The following DPYD variants were observed in gnomAD, a reference collection of about 807,000 sequenced individuals.
The protein encoded by DPYD is dihydropyrimidine dehydrogenase [NADP(+)].
A neutral mutation model predicts 116.2 loss-of-function variants in DPYD; 109 were observed. The ratio of observed to expected loss-of-function variants is 0.94; its 90% confidence interval spans 0.80 to 1.10. The LOEUF (loss-of-function observed/expected upper bound fraction) is 1.10. Among genes scored for constraint, DPYD ranks in the 50% least tolerant of loss-of-function variants. DPYD has a pLI of 0.00. For synonymous variants in DPYD, 440 were observed against 432.0 expected (o/e 1.02, Z -0.23); for missense variants, 1,302 against 1,254.5 (o/e 1.04, Z -0.57).
At chr1:97,382,916 A>G (rs939901273) in intron 14 of DPYD, among the ~76,000 whole-genome samples, 1 of 152,212 alleles carries the variant, frequency 6.6e-6, no homozygotes, top group South Asian at 2.1e-4. Flanking sequence ...TCTTTCAAAC[A>G]TAACTCACTA....
chr1:97,544,948 T>G (rs981209259), intron 12 of DPYD, among the ~76,000 whole-genome samples: 14 of 152,180 alleles, frequency 9.2e-5, no homozygotes, highest in Non-Finnish European at 1.9e-4. Context: ...GAACCTCATC[T>G]CTTATCCCTT....
intron 3 of DPYD, among the ~76,000 whole-genome samples, chr1:97,798,998 C>T (rs1667723278): frequency 6.6e-6 from 1 of 151,928 alleles, no homozygotes; most frequent in African/African-American, 2.4e-5. Context: ...CCATTTTATA[C>T]CTATAAAAAG....
At chr1:97,106,090 T>G (rs931172801) in intron 20 of DPYD, among the ~76,000 whole-genome samples, 4 of 152,216 alleles carry the variant, frequency 2.6e-5, no homozygotes, top group African/African-American at 9.6e-5. Context: ...ATCCTCATAG[T>G]GGCAGAAGGA....
At position 97,850,881 on chromosome 1, in the gene DPYD, C is replaced by G. The variant is rs974054221; in HGVS notation, c.151-22685G>C. On this transcript the variant is annotated intron_variant, in intron 2 of 22. Coordinates refer to ENST00000370192, the MANE Select transcript of DPYD (RefSeq NM_000110.4). ...CAAATCAATGGTGATTTTTAAAACA[C>G]ATGTCCTTTTTAAGAATATGATATA... is the stretch of plus-strand genomic sequence containing the variant. 7.9e-5 allele frequency among the ~76,000 whole-genome samples: 12 copies of G among 152,100 alleles called. No homozygotes were observed. The East Asian group carries it at 2.3e-3, about 29-fold the overall frequency.
rs949792299 is a variant in DPYD, at chr1:97,078,169, G to A, written c.*807C>T. On this transcript the variant is annotated 3_prime_UTR_variant, in exon 23 of 23. Coordinates refer to ENST00000370192, the MANE Select transcript of DPYD (RefSeq NM_000110.4). ...AAACATTAGTTGCTATAATCATGAA[G>A]GTGACTATTAAAACCAGTCAGAGCC... is the stretch of plus-strand genomic sequence containing the variant. 1 of 152,104 alleles carries A rather than the reference G, an allele frequency of 6.6e-6. No homozygotes were observed. The highest frequency in any genetic ancestry group is 1.5e-5 in the Non-Finnish European group (1 of 68,048). 9.4% of individuals were successfully genotyped at this position (152,104 alleles called of 1,614,324 possible).
chr1:97,411,244 C>G (rs1385360673), intron 14 of DPYD, among the ~76,000 whole-genome samples: 1 of 152,066 alleles, frequency 6.6e-6, no homozygotes, highest in Non-Finnish European at 1.5e-5. Context: ...TCTTCAATGC[C>G]CATCTCTGAG....
At chr1:97,258,358 CA>C (rs1663649895) in intron 18 of DPYD, among the ~76,000 whole-genome samples, 1 of 152,166 alleles carries the variant, frequency 6.6e-6, no homozygotes, top group Admixed American at 6.5e-5. Flanking sequence ...TTCCAAGCCA[CA>C]AAAGTACAGG....
intron 3 of DPYD, among the ~76,000 whole-genome samples, chr1:97,784,075 A>G (rs1163511125): frequency 1.3e-5 from 2 of 152,228 alleles, no homozygotes; most frequent in South Asian, 2.1e-4. Context: ...TATAAGAGAT[A>G]TGAATCACAT....
chr1:97,906,970 C>T (rs756367116), intron 1 of DPYD, among the ~76,000 whole-genome samples: 9 of 151,942 alleles, frequency 5.9e-5, no homozygotes, highest in East Asian at 1.9e-4. Context: ...GTAAAATATG[C>T]GTTTCTTGAA....
chr1:97,607,474 G>A (rs1655671587), intron 8 of DPYD, among the ~76,000 whole-genome samples: 1 of 151,830 alleles, frequency 6.6e-6, no homozygotes, highest in Non-Finnish European at 1.5e-5. Context: ...AAGCTCAGGA[G>A]GGAAATCCCG....
At chr1:97,430,109 T>C (rs139325046) in intron 14 of DPYD, among the ~76,000 whole-genome samples, 2 of 152,244 alleles carry the variant, frequency 1.3e-5, no homozygotes, top group East Asian at 3.9e-4. Context: ...TTCAGTTACG[T>C]TTATTGAGAA....
intron 19 of DPYD, among the ~76,000 whole-genome samples, chr1:97,222,752 G>C (rs1284862314): frequency 6.6e-6 from 1 of 151,930 alleles, no homozygotes. Flanking sequence ...TCTTAAAGTT[G>C]TAAGTGAAAC....
chr1:97,507,134 T>C (rs1333097956), intron 13 of DPYD, among the ~76,000 whole-genome samples: 1 of 152,018 alleles, frequency 6.6e-6, no homozygotes, highest in Non-Finnish European at 1.5e-5. Context: ...ATATGTGAAC[T>C]GTAGCCATTT....
intron 18 of DPYD, among the ~76,000 whole-genome samples, chr1:97,298,680 T>C (rs1196312202): frequency 1.3e-5 from 2 of 152,142 alleles, no homozygotes; most frequent in Non-Finnish European, 2.9e-5. Context: ...AGAGTAATGC[T>C]AGAGAGTTTG....
chr1:97,783,114 A>G (rs1343426426), intron 3 of DPYD, among the ~76,000 whole-genome samples: 2 of 152,210 alleles, frequency 1.3e-5, no homozygotes, highest in Non-Finnish European at 2.9e-5. Context: ...GTTGAACAGA[A>G]AAGGATAAAA....
chr1:97,105,910 A>T (rs1651104047), intron 20 of DPYD, among the ~76,000 whole-genome samples: 1 of 152,140 alleles, frequency 6.6e-6, no homozygotes, highest in South Asian at 2.1e-4. Flanking sequence ...AAGTGAAGGA[A>T]CTACAGGATG....
intron 20 of DPYD, among the ~76,000 whole-genome samples, chr1:97,143,377 G>A (rs1331879350): frequency 6.6e-6 from 1 of 152,066 alleles, no homozygotes; most frequent in Non-Finnish European, 1.5e-5. Flanking sequence ...ACCACTCAGA[G>A]CAAATTATTT....
intron 13 of DPYD, among the ~76,000 whole-genome samples, chr1:97,511,206 CTA>C (rs1485610725): frequency 6.6e-6 from 1 of 151,974 alleles, no homozygotes; most frequent in Non-Finnish European, 1.5e-5. Context: ...CTTTCTCAGA[CTA>C]TTATTTCATC....
At chr1:97,647,214 T>C (rs1434495821) in intron 8 of DPYD, among the ~76,000 whole-genome samples, 1 of 152,104 alleles carries the variant, frequency 6.6e-6, no homozygotes, top group African/African-American at 2.4e-5. Context: ...CTAGAAAATA[T>C]AAGTTTAAAT....
Sources: gnomAD v4.1 joint callset for allele counts (sites outside exome capture counted in the v4.1 genomes callset) on GRCh38, gnomAD v4.1.1 for gene constraint, MANE v1.5 for transcripts, NCBI Gene and HGNC (gene_info 2026-07-23, HGNC 2026-07-21) for gene names.